The following CARD10 variants were observed in gnomAD, a reference collection of about 807,000 sequenced individuals.
The protein encoded by CARD10 is caspase recruitment domain-containing protein 10.
A neutral mutation model predicts 114.6 loss-of-function variants in CARD10; 49 were observed. The observed-to-expected ratio is 0.43, with a 90% CI of 0.34 to 0.54. The LOEUF (loss-of-function observed/expected upper bound fraction) is 0.54, where lower values mean the gene tolerates loss of function less well. Ranked by LOEUF, CARD10 falls within the 20% of genes least tolerant of loss-of-function variation. CARD10 has a pLI of 0.03. For synonymous variants in CARD10, 602 were observed against 593.2 expected (o/e 1.01, Z -0.21); for missense variants, 1,206 against 1,397.2 (o/e 0.86, Z 2.18).
chr22:37,503,329 A>C, intron 9 of CARD10, 116 bp from the exon 10 acceptor site: 1 of 1,046,522 alleles, frequency 9.6e-7, no homozygotes, highest in Non-Finnish European at 1.4e-6. Flanking sequence ...AAGCAAATGC[A>C]GGCTAGACTC....
intron 7 of CARD10, among the ~76,000 whole-genome samples, chr22:37,505,134 G>A (rs1375342279): frequency 6.6e-6 from 1 of 152,184 alleles, no homozygotes; most frequent in African/African-American, 2.4e-5. Context: ...AAGGCCCTGA[G>A]GCAGGACTGT....
chr22:37,512,720 G>C (rs1471802569), intron 3 of CARD10, among the ~76,000 whole-genome samples: 1 of 152,062 alleles, frequency 6.6e-6, no homozygotes, highest in African/African-American at 2.4e-5. Flanking sequence ...ACACACCAGG[G>C]CCTCCTGCCT....
Position 37,519,230 on chromosome 22 carries a change from G to A in CARD10, c.-30C>T, listed in dbSNP as rs1212050159. 3.4e-6 allele frequency: 5 copies of A among 1,479,748 alleles called. No individual in the cohort carries two copies. The African/African-American group carries it at 4.3e-5, about 13-fold the overall frequency. 91.7% of individuals were successfully genotyped at this position (1,479,748 alleles called of 1,614,324 possible). ...GTGTCCTCAGGGTCTGCGGGCAAGA[G>A]GCGCACGGGGGTCGACCAGGGCTCC... On this transcript the variant is annotated 5_prime_UTR_variant, in exon 1 of 20. Transcript: ENST00000251973. The surrounding 1 kb of genome is among the most constrained non-coding windows in gnomAD (Gnocchi z 4.1).
chr22:37,498,853 C>T lies in CARD10; in HGVS notation c.1788-1675G>A, dbSNP rs1304063723. On this transcript the variant is annotated intron_variant, in intron 11 of 19. Transcript: ENST00000251973. ...GCTGCTGAGCGTCAGTTACCACATG[C>T]ATAACACGAAGCTGACAATGACACC... Among the ~76,000 whole-genome samples the T allele has an allele frequency of 2.9e-5, 4 of 136,212 alleles. No individual in the cohort carries two copies. In the South Asian group the frequency reaches 8.8e-4, roughly 30 times the overall value. 89.4% of individuals were successfully genotyped at this position (136,212 alleles called of 152,430 possible). A position where few individuals can be genotyped will look rare whatever the true frequency, so the allele number is the denominator to read the frequency against.
At chr22:37,505,407 C>A (rs1923371112) in intron 7 of CARD10, among the ~76,000 whole-genome samples, 1 of 152,094 alleles carries the variant, frequency 6.6e-6, no homozygotes, top group South Asian at 2.1e-4. Flanking sequence ...TGGGCGTTCG[C>A]ACCTCTAATC....
At chr22:37,497,424 CCACAGAG>C (rs1463164404) in intron 11 of CARD10, among the ~76,000 whole-genome samples, 2 of 152,218 alleles carry the variant, frequency 1.3e-5, no homozygotes, top group Non-Finnish European at 2.9e-5. Flanking sequence ...AGCCTGCGTG[CCACAGAG>C]CACTCCAACT....
In CARD10 at chr22:37,515,252, A is replaced by C. The variant is rs560515661; in HGVS notation, c.699+721T>G. Among the ~76,000 whole-genome samples the C allele has an allele frequency of 9.2e-5, 14 of 152,296 alleles. No individual in the cohort carries two copies. The South Asian group carries it at 2.5e-3, about 27-fold the overall frequency. ...GTGAGCAGTGTGCTAGGGACTGTAC[A>C]TGTTTGAAACTGTGTCTTAAACTCA... On this transcript the variant is annotated intron_variant, in intron 3 of 19. Coordinates refer to ENST00000251973, the MANE Select transcript of CARD10 (RefSeq NM_014550.4).
Position 37,490,654 on chromosome 22 carries a change from G to A in CARD10, c.*505C>T, listed in dbSNP as rs1922735659. ...GAGGGGCACAGGTGACCATGGGCCA[G>A]GGAACACCCCAGTCCATGCATGGCT... On this transcript the variant is annotated 3_prime_UTR_variant, in exon 20 of 20. Transcript: ENST00000251973. The A allele has an allele frequency of 6.5e-6, 1 of 154,764 alleles. No individual in the cohort carries two copies. 9.6% of individuals were successfully genotyped at this position (154,764 alleles called of 1,614,324 possible). A position where few individuals can be genotyped will look rare whatever the true frequency, so the allele number is the denominator to read the frequency against.
intron 5 of CARD10, 143 bp from the exon 6 acceptor site, chr22:37,508,097 G>A: frequency 1.1e-6 from 1 of 946,498 alleles, no homozygotes; most frequent in East Asian, 2.5e-5. Flanking sequence ...CAGTGGAGTG[G>A]TCTGAGCCAC....
At chr22:37,510,812 C>T (rs553544294) in intron 3 of CARD10, among the ~76,000 whole-genome samples, 18 of 152,264 alleles carry the variant, frequency 1.2e-4, no homozygotes, top group African/African-American at 4.1e-4. Context: ...CAGTGGCTCA[C>T]GCCTGTAATC....
Position 37,494,117 on chromosome 22 carries a change from G to T in CARD10, c.2445C>A (p.Ser815=). 2 of 1,559,374 alleles carry T rather than the reference G, an allele frequency of 1.3e-6. No homozygotes were observed. Among genetic ancestry groups the T allele is most frequent in the Non-Finnish European group, 1.7e-6 (2 of 1,151,914 alleles). Residue 815 remains serine, a synonymous_variant, in exon 16 of 20, where the codon TCC becomes TCA. Transcript: ENST00000251973. ...PKPVGAPAGD[S]PDQLLLEPCA... ...AGGGCTCCAGCAGCAGCTGATCCGG[G>T]GAGTCCCCTGCAGGCGCCCCCACGG... is the stretch of plus-strand genomic sequence containing the variant.
chr22:37,495,550 C>T lies in CARD10; in HGVS notation c.2340G>A (p.Leu780=), dbSNP rs1482383262. Residue 780 remains leucine, a synonymous_variant, in exon 15 of 20, where the codon CTG becomes CTA. Transcript: ENST00000251973. The part of the protein sequence containing the change: ...QQLLEVQEKC[L]PSSRHRGPRS... The stretch of plus-strand genomic sequence containing the variant: ...GGGGGCCTCGGTGCCGGCTGGAGGG[C>T]AGGCATTTCTCCTGAACTTCTAGGA... 2 of 1,613,118 alleles carry T rather than the reference C, an allele frequency of 1.2e-6. No homozygotes were observed. The highest frequency in any genetic ancestry group is 2.7e-5 in the African/African-American group (2 of 74,924).
In CARD10 at chr22:37,490,819, T is replaced by G. The variant is rs1021830829; in HGVS notation, c.*340A>C. 5 of 287,168 alleles carry G rather than the reference T, an allele frequency of 1.7e-5. No individual in the cohort carries two copies. Among genetic ancestry groups the G allele is most frequent in the Non-Finnish European group, 3.3e-5 (5 of 153,058 alleles). The allele number at this position is 287,168 out of a possible 1,614,324, so 17.8% of individuals were successfully genotyped here. ...CAGACCTGAGCCTGCCCATGAGAACTTGAGTGTGCAAACCTGCGCACAGGT... is the reference window on the plus strand; with the variant it reads ...CAGACCTGAGCCTGCCCATGAGAACGTGAGTGTGCAAACCTGCGCACAGGT... On this transcript the variant is annotated 3_prime_UTR_variant, in exon 20 of 20. Coordinates refer to ENST00000251973, the MANE Select transcript of CARD10 (RefSeq NM_014550.4).
chr22:37,503,177 G>T lies in CARD10; in HGVS notation c.1663+8C>A. On this transcript the variant is annotated splice_region_variant and intron_variant, in intron 10 of 19. Coordinates refer to ENST00000251973, the MANE Select transcript of CARD10 (RefSeq NM_014550.4). ...GGAGCCCTCCCCACGGAACTCAAGG[G>T]CTGTTACCTGTGATGTCTGACATGC... The T allele has an allele frequency of 6.2e-7, 1 of 1,611,100 alleles. No individual in the cohort carries two copies. Among genetic ancestry groups the T allele is most frequent in the South Asian group, 1.1e-5 (1 of 90,480 alleles).
intron 16 of CARD10, among the ~76,000 whole-genome samples, chr22:37,493,393 ACT>A (rs1569162030): frequency 6.6e-6 from 1 of 151,340 alleles, no homozygotes; most frequent in Non-Finnish European, 1.5e-5. Context: ...CACACCTCAC[ACT>A]CTCTCATTGT....
At chr22:37,510,711 G>A (rs748824465) in intron 3 of CARD10, 29 of 432,774 alleles carry the variant, frequency 6.7e-5, no homozygotes, top group African/African-American at 3.4e-4. Context: ...TGTCTGTCCC[G>A]CACTTCTGAC....
intron 4 of CARD10, among the ~76,000 whole-genome samples, chr22:37,509,825 G>A: frequency 1.7e-5 from 1 of 59,684 alleles, no homozygotes; most frequent in Non-Finnish European, 3.3e-5. Flanking sequence ...CCTCCTGCCA[G>A]CCTGTGCCCA....
chr22:37,519,175 T>G lies in CARD10; in HGVS notation c.26A>C (p.Glu9Ala). 6.5e-7 allele frequency: 1 copy of G among 1,533,408 alleles called. No homozygotes were observed. The highest frequency in any genetic ancestry group is 8.7e-7 in the Non-Finnish European group (1 of 1,145,534). The allele number at this position is 1,533,408 out of a possible 1,614,324, so 95.0% of individuals were successfully genotyped here. The change falls in exon 1 of 20, where the codon GAG becomes GCG. Residue 9 changes from glutamate (E) to alanine (A), a missense_variant. This residue lies in a region of CARD10 where 138 missense variants were observed against 218.0 expected (regional missense o/e 0.63). Transcript: ENST00000251973. This position sits in a 1 kb window ranked among gnomAD's most constrained non-coding sequence, Gnocchi z 4.1. ...GCCGGCCCCGGCCTCCTCCTCGGCCTCCCCCGCCTCCGCCCGGCCCGGCAT... is the reference window on the plus strand; with the variant it reads ...GCCGGCCCCGGCCTCCTCCTCGGCCGCCCCCGCCTCCGCCCGGCCCGGCAT... MPGRAEAG[E>A]AEEEAGAGSG...
rs368770261 is a variant in CARD10 at position 37,494,114 on chromosome 22, C to T, written c.2448G>A (p.Pro816=). ...CACAGGGCTCCAGCAGCAGCTGATCCGGGGAGTCCCCTGCAGGCGCCCCCA... is the reference window on the plus strand; with the variant it reads ...CACAGGGCTCCAGCAGCAGCTGATCTGGGGAGTCCCCTGCAGGCGCCCCCA... ...KPVGAPAGDS[P]DQLLLEPCAE... The change falls in exon 16 of 20, where the codon CCG becomes CCA. Residue 816 remains proline, a synonymous_variant. Coordinates refer to ENST00000251973, the MANE Select transcript of CARD10 (RefSeq NM_014550.4). 167 of 1,558,680 alleles carry T rather than the reference C, an allele frequency of 1.1e-4. No individual in the cohort carries two copies. Among genetic ancestry groups the T allele is most frequent in the Non-Finnish European group, 1.4e-4 (157 of 1,151,570 alleles).
Sources: gnomAD v4.1 joint callset for allele counts (sites outside exome capture counted in the v4.1 genomes callset) on GRCh38, gnomAD v4.1.1 for gene constraint, gnomAD v4.1.1 regional missense constraint, Gnocchi (gnomAD v3.1) non-coding constraint, MANE v1.5 for transcripts, NCBI Gene and HGNC (gene_info 2026-07-23, HGNC 2026-07-21) for gene names.